The following MAPK10 variants were observed in gnomAD, a reference collection of about 807,000 sequenced individuals.
MAPK10 encodes JNK3 alpha protein kinase.
MAPK10 carries 25 observed loss-of-function variants against 59.3 expected under a neutral mutation model. That is an observed-to-expected ratio of 0.42 (90% confidence interval 0.31 to 0.59). The LOEUF is 0.59. Ranked by LOEUF, MAPK10 falls within the 20% of genes least tolerant of loss-of-function variation. The probability of loss-of-function intolerance (pLI) is 0.15; values close to 1 mark genes in which losing one functional copy is unlikely to be tolerated. For missense variants in MAPK10, 351 were observed against 568.9 expected (o/e 0.62, Z 3.90); for synonymous variants, 190 against 200.5 (o/e 0.95, Z 0.44).
At chr4:86,465,409 G>T (rs1327800095) in intron 1 of MAPK10, among the ~76,000 whole-genome samples, 1 of 152,204 alleles carries the variant, frequency 6.6e-6, no homozygotes, top group African/African-American at 2.4e-5. Context: ...ATAGTGGAAA[G>T]AATGAATCTC....
chr4:86,469,458 G>C (rs1752487138), intron 1 of MAPK10, among the ~76,000 whole-genome samples: 1 of 152,164 alleles, frequency 6.6e-6, no homozygotes, highest in Non-Finnish European at 1.5e-5. Flanking sequence ...GTTGGACCAG[G>C]AAACCAGACA....
chr4:86,545,284 TG>T (rs1565016310), intron 1 of MAPK10, among the ~76,000 whole-genome samples: 1 of 152,196 alleles, frequency 6.6e-6, no homozygotes, highest in East Asian at 1.9e-4. Flanking sequence ...AATGAGCGCA[TG>T]AAAAAATGTG....
intron 1 of MAPK10, among the ~76,000 whole-genome samples, chr4:86,365,349 T>G (rs981587961): frequency 7.0e-6 from 1 of 142,140 alleles, no homozygotes; most frequent in Non-Finnish European, 1.5e-5. Flanking sequence ...GGAGAATCGC[T>G]TGAACCCGGG....
At chr4:86,316,051 A>G (rs2095780738) in intron 2 of MAPK10, among the ~76,000 whole-genome samples, 1 of 152,152 alleles carries the variant, frequency 6.6e-6, no homozygotes, top group Non-Finnish European at 1.5e-5. Flanking sequence ...TCACTGCTAG[A>G]GTGGTATCTT....
chr4:86,493,506 T>C (rs1355930267), intron 1 of MAPK10, among the ~76,000 whole-genome samples: 1 of 152,218 alleles, frequency 6.6e-6, no homozygotes, highest in Non-Finnish European at 1.5e-5. Flanking sequence ...GTCTTTACTT[T>C]GTCCTGGATT....
chr4:86,402,069 G>A (rs1247434528), intron 1 of MAPK10, among the ~76,000 whole-genome samples: 2 of 152,090 alleles, frequency 1.3e-5, no homozygotes, highest in African/African-American at 2.4e-5. Context: ...AAACAAGGAA[G>A]GTCATACCTA....
intron 2 of MAPK10, among the ~76,000 whole-genome samples, chr4:86,196,516 C>G (rs1197881903): frequency 2.0e-5 from 3 of 152,164 alleles, no homozygotes; most frequent in Non-Finnish European, 4.4e-5. Flanking sequence ...TGTAGGTTGC[C>G]TGTTCACTCT....
chr4:86,276,802 A>T (rs1008688790), intron 2 of MAPK10, among the ~76,000 whole-genome samples: 16 of 152,068 alleles, frequency 1.1e-4, no homozygotes, highest in Non-Finnish European at 5.9e-5. Flanking sequence ...CATTATCACC[A>T]ATTTAGAAAA....
intron 2 of MAPK10, among the ~76,000 whole-genome samples, chr4:86,305,978 ATTTG>A (rs2095560741): frequency 6.6e-6 from 1 of 152,218 alleles, no homozygotes; most frequent in South Asian, 2.1e-4. Context: ...GAAATAGATA[ATTTG>A]TTTGATATTA....
At chr4:86,427,256 C>CAAAA (rs576600795) in intron 1 of MAPK10, among the ~76,000 whole-genome samples, 1 of 93,764 alleles carries the variant, frequency 1.1e-5, no homozygotes, top group Non-Finnish European at 2.1e-5. Context: ...GATTCTGTCT[C>CAAAA]AAAAAAAAAA....
rs958359868 is a variant in MAPK10, at chr4:86,012,873, C to T, written c.*4355G>A. 2 of 152,104 alleles carry T rather than the reference C, an allele frequency of 1.3e-5. No individual in the cohort carries two copies. The highest frequency in any genetic ancestry group is 2.9e-5 in the Non-Finnish European group (2 of 68,028). The allele number at this position is 152,104 out of a possible 1,614,324, so 9.4% of individuals were successfully genotyped here. A position where few individuals can be genotyped will look rare whatever the true frequency, so the allele number is the denominator to read the frequency against. On this transcript the variant is annotated 3_prime_UTR_variant, in exon 14 of 14. Transcript: ENST00000641462. ...GTATGCATGTGTGTGTGCTTTAAGT[C>T]CATTTTATAAACACTGACACAAGAC...
At chr4:86,334,488 T>C (rs1471462895) in intron 2 of MAPK10, among the ~76,000 whole-genome samples, 1 of 152,178 alleles carries the variant, frequency 6.6e-6, no homozygotes, top group Non-Finnish European at 1.5e-5. Context: ...ATAACTAATA[T>C]GGCCCACAGA....
chr4:86,298,805 C>T (rs1249182438), intron 2 of MAPK10, among the ~76,000 whole-genome samples: 16 of 152,138 alleles, frequency 1.1e-4, no homozygotes, highest in Admixed American at 1.0e-3. Context: ...TCCTTGTACT[C>T]AAATTCCAAA....
chr4:86,107,485 A>T, intron 4 of MAPK10, 133 bp from the exon 5 acceptor site: 1 of 1,359,676 alleles, frequency 7.4e-7, no homozygotes, highest in South Asian at 2.0e-5. Flanking sequence ...GTCACATGCC[A>T]ATCAGGCTTT....
chr4:86,341,510 T>C lies in MAPK10; in HGVS notation c.-7+13020A>G, dbSNP rs1258005014. ...ACAATTGTGTGGGAGGACGGCAATG[T>C]GTCATAGGAAATAATACTTGTCAAT... On this transcript the variant is annotated intron_variant, in intron 2 of 13. Transcript: ENST00000641462. Among the ~76,000 whole-genome samples the C allele has an allele frequency of 2.6e-5, 4 of 152,206 alleles. No individual in the cohort carries two copies. The East Asian group carries it at 7.7e-4, about 29-fold the overall frequency.
At chr4:86,034,624 C>T (rs2039802392) in intron 11 of MAPK10, among the ~76,000 whole-genome samples, 2 of 152,096 alleles carry the variant, frequency 1.3e-5, no homozygotes, top group East Asian at 1.9e-4. Context: ...TGACTGCTGA[C>T]CACAAGGAGT....
chr4:86,462,911 T>C (rs534252551), intron 1 of MAPK10, among the ~76,000 whole-genome samples: 2 of 152,320 alleles, frequency 1.3e-5, no homozygotes, highest in African/African-American at 4.8e-5. Flanking sequence ...AGGTTGAGGA[T>C]ATCATTTTTG....
rs1167729730 is a variant in MAPK10 at position 86,326,938 on chromosome 4, A to G, written c.-7+27592T>C. The G allele has an allele frequency of 2.0e-5, 3 of 152,206 alleles. No individual in the cohort carries two copies. In the East Asian group the frequency reaches 5.8e-4, roughly 29 times the overall value. 9.4% of individuals were successfully genotyped at this position (152,206 alleles called of 1,614,324 possible). On this transcript the variant is annotated intron_variant, in intron 2 of 13. Coordinates refer to ENST00000641462, the MANE Select transcript of MAPK10 (RefSeq NM_138982.4). Reference sequence around the variant, plus strand: ...AAGAGCCTCTTTATATCTGTGCAGCAGGAATGCATGTAATATACAAGGACT... The same window carrying G: ...AAGAGCCTCTTTATATCTGTGCAGCGGGAATGCATGTAATATACAAGGACT...
chr4:86,216,282 C>CATATATATATAGCATATATATATAT (rs1168772069), intron 2 of MAPK10, among the ~76,000 whole-genome samples: 6 of 141,430 alleles, frequency 4.2e-5, no homozygotes, highest in East Asian at 2.1e-4. Flanking sequence ...AGCACACACA[C>CATATATATATAGCATATATATATAT]ATATATATAT....
Sources: gnomAD v4.1 joint callset for allele counts (sites outside exome capture counted in the v4.1 genomes callset) on GRCh38, gnomAD v4.1.1 for gene constraint, MANE v1.5 for transcripts, NCBI Gene and HGNC (gene_info 2026-07-23, HGNC 2026-07-21) for gene names.